Variants in EDN1 observed in about 807,000 individuals in gnomAD.
The protein encoded by EDN1 is endothelin-1.
In EDN1, 11 loss-of-function variants were observed where a neutral mutation model predicts 21.7. That is an observed-to-expected ratio of 0.51 (90% confidence interval 0.32 to 0.84). EDN1 has a LOEUF of 0.84. Ranked by LOEUF, EDN1 falls within the 40% of genes least tolerant of loss-of-function variation. The probability of loss-of-function intolerance (pLI) is 0.03; values close to 1 mark genes in which losing one functional copy is unlikely to be tolerated. For missense variants in EDN1, 244 were observed against 262.3 expected, an observed-to-expected ratio of 0.93 and a Z score of 0.48; for synonymous variants, 85 against 90.6, an observed-to-expected ratio of 0.94 and a Z score of 0.35.
chr6:12,263,608 C>A, the EDN1 span, among the ~76,000 whole-genome samples: 1 of 152,272 alleles, frequency 6.6e-6, no homozygotes, highest in African/African-American at 2.4e-5. Flanking sequence ...AAAAACCTTT[C>A]ACCACCATAA....
At chr6:12,288,558 C>CTGGGTG (rs10478685), upstream of EDN1, among the ~76,000 whole-genome samples, 23 of 152,216 alleles carry the variant, frequency 1.5e-4, no homozygotes, top group South Asian at 4.1e-4. Flanking sequence ...GGAGGCATCT[C>CTGGGTG]TGGGTGTGGG....
chr6:12,257,591 C>T, the EDN1 span, among the ~76,000 whole-genome samples: 1 of 152,080 alleles, frequency 6.6e-6, no homozygotes, highest in African/African-American at 2.4e-5. Flanking sequence ...TGATGAAGGC[C>T]TCAAGTGATT....
At chr6:12,268,088 T>C in the EDN1 span, among the ~76,000 whole-genome samples, 177 of 152,334 alleles carry the variant, frequency 1.2e-3, 2 homozygotes, top group African/African-American at 3.9e-3. Context: ...ATTGACAATG[T>C]ACCTGGTTAC....
the EDN1 span, among the ~76,000 whole-genome samples, chr6:12,281,412 A>G: frequency 2.0e-5 from 3 of 150,790 alleles, no homozygotes; most frequent in Admixed American, 2.0e-4. Context: ...TCCAATTGAT[A>G]TGACTGTCTC....
At chr6:12,264,492 A>G in the EDN1 span, among the ~76,000 whole-genome samples, 5 of 152,340 alleles carry the variant, frequency 3.3e-5, no homozygotes, top group East Asian at 7.7e-4. Flanking sequence ...TGGAAGGGAA[A>G]GAATTGAAGA....
chr6:12,241,326 G>A, the EDN1 span, among the ~76,000 whole-genome samples: 6 of 151,702 alleles, frequency 4.0e-5, no homozygotes, highest in African/African-American at 9.7e-5. Context: ...CCCCACACCC[G>A]GCTAATTTTT....
upstream of EDN1, among the ~76,000 whole-genome samples, chr6:12,287,573 G>A (rs965342017): frequency 6.6e-6 from 1 of 151,802 alleles, no homozygotes; most frequent in African/African-American, 2.4e-5. Flanking sequence ...GCTGCCAGAG[G>A]GAGAAATGGA....
At chr6:12,259,663 C>T in the EDN1 span, among the ~76,000 whole-genome samples, 8 of 151,642 alleles carry the variant, frequency 5.3e-5, no homozygotes, top group Admixed American at 4.6e-4. Flanking sequence ...TACAAAGTAA[C>T]ATTAAGTAAA....
chr6:12,241,676 A>G, the EDN1 span, among the ~76,000 whole-genome samples: 7 of 152,278 alleles, frequency 4.6e-5, no homozygotes, highest in African/African-American at 1.7e-4. Context: ...AATTAAATGT[A>G]TTTAGAATTG....
At chr6:12,250,047 T>C in the EDN1 span, among the ~76,000 whole-genome samples, 1 of 152,110 alleles carries the variant, frequency 6.6e-6, no homozygotes. Flanking sequence ...ATGTGGATTA[T>C]GTAAGGGGTT....
chr6:12,244,528 C>T, the EDN1 span, among the ~76,000 whole-genome samples: 1 of 152,174 alleles, frequency 6.6e-6, no homozygotes, highest in South Asian at 2.1e-4. Context: ...GTGACAGGCT[C>T]TCTATTTAGT....
At chr6:12,242,410 G>A in the EDN1 span, among the ~76,000 whole-genome samples, 4 of 152,120 alleles carry the variant, frequency 2.6e-5, no homozygotes, top group Admixed American at 6.6e-5. Context: ...CAAGCCAACT[G>A]CTTGAGCTCC....
chr6:12,269,167 G>C, the EDN1 span, among the ~76,000 whole-genome samples: 2 of 151,890 alleles, frequency 1.3e-5, no homozygotes, highest in African/African-American at 4.8e-5. Flanking sequence ...ACTGATTTTT[G>C]CATGTTGAAT....
the EDN1 span, among the ~76,000 whole-genome samples, chr6:12,277,570 T>G: frequency 6.6e-6 from 1 of 152,120 alleles, no homozygotes; most frequent in South Asian, 2.1e-4. Context: ...ACGAAAACAA[T>G]GGATAGAATT....
At chr6:12,260,248 T>A in the EDN1 span, among the ~76,000 whole-genome samples, 8 of 152,186 alleles carry the variant, frequency 5.3e-5, no homozygotes, top group Admixed American at 4.6e-4. Flanking sequence ...TTCAAGGTCA[T>A]ACCATTTTTA....
the EDN1 span, among the ~76,000 whole-genome samples, chr6:12,284,147 G>A: frequency 4.6e-5 from 7 of 152,146 alleles, no homozygotes; most frequent in Non-Finnish European, 1.0e-4. Context: ...TTGACACCTA[G>A]TGGTGGCTCG....
chr6:12,241,592 G>A, the EDN1 span, among the ~76,000 whole-genome samples: 84,332 of 152,022 alleles, frequency 0.55, 27,208 homozygotes, highest in Non-Finnish European at 0.72. Flanking sequence ...GTACGGGTCT[G>A]TGTTTTTGTC....
chr6:12,266,385 T>C, the EDN1 span, among the ~76,000 whole-genome samples: 1 of 152,172 alleles, frequency 6.6e-6, no homozygotes, highest in African/African-American at 2.4e-5. Flanking sequence ...GGAAAGGGTT[T>C]AGAGCAGAGC....
chr6:12,288,008 C>A (rs1231952058), upstream of EDN1, among the ~76,000 whole-genome samples: 2 of 151,988 alleles, frequency 1.3e-5, no homozygotes, highest in African/African-American at 4.8e-5. Flanking sequence ...TGGGCAGTTT[C>A]ATTTTGCCCC....
Sources: gnomAD v4.1 joint callset for allele counts (sites outside exome capture counted in the v4.1 genomes callset) on GRCh38, gnomAD v4.1.1 for gene constraint, MANE v1.5 for transcripts, NCBI Gene and HGNC (gene_info 2026-07-23, HGNC 2026-07-21) for gene names.